The following ABTB3 variants were observed in gnomAD, a reference collection of about 807,000 sequenced individuals.
The protein encoded by ABTB3 is ankyrin repeat and BTB domain containing 3.
chr12:107,436,014 C>T, the ABTB3 span, among the ~76,000 whole-genome samples: 3 of 152,174 alleles, frequency 2.0e-5, no homozygotes, highest in Non-Finnish European at 4.4e-5. Context: ...TGCCATATTG[C>T]ACACTGCAGC....
At chr12:107,494,800 C>T in the ABTB3 span, among the ~76,000 whole-genome samples, 4 of 152,196 alleles carry the variant, frequency 2.6e-5, no homozygotes, top group Non-Finnish European at 4.4e-5. Context: ...TGCGCTGCAG[C>T]CGCCTGTTCT....
At chr12:107,431,630 G>T in the ABTB3 span, among the ~76,000 whole-genome samples, 2 of 145,262 alleles carry the variant, frequency 1.4e-5, no homozygotes, top group African/African-American at 5.0e-5. Context: ...CCCCGCACCC[G>T]CCCCCAAAAA....
the ABTB3 span, among the ~76,000 whole-genome samples, chr12:107,395,708 C>A: frequency 6.6e-6 from 1 of 152,212 alleles, no homozygotes; most frequent in African/African-American, 2.4e-5. Flanking sequence ...TGCCATCCAC[C>A]CCCAGTGGGG....
the ABTB3 span, chr12:107,581,249 C>T: frequency 1.3e-6 from 2 of 1,519,254 alleles, no homozygotes; most frequent in East Asian, 2.5e-5. Flanking sequence ...CGACGACGTC[C>T]GCCAGGCGGC....
the ABTB3 span, among the ~76,000 whole-genome samples, chr12:107,490,515 G>A: frequency 6.6e-6 from 1 of 152,140 alleles, no homozygotes; most frequent in Non-Finnish European, 1.5e-5. Context: ...GGGAGAGAGG[G>A]ATGTGGATAT....
At chr12:107,634,572 C>T in the ABTB3 span, among the ~76,000 whole-genome samples, 7 of 152,260 alleles carry the variant, frequency 4.6e-5, no homozygotes, top group East Asian at 1.2e-3. Flanking sequence ...TGCTCTGTTT[C>T]GTTTTTCCTC....
At chr12:107,339,241 T>C in the ABTB3 span, among the ~76,000 whole-genome samples, 1 of 152,164 alleles carries the variant, frequency 6.6e-6, no homozygotes, top group African/African-American at 2.4e-5. Flanking sequence ...GATCAAGCTC[T>C]TTCTGAAGGA....
chr12:107,550,844 A>G, the ABTB3 span, among the ~76,000 whole-genome samples: 38 of 152,150 alleles, frequency 2.5e-4, no homozygotes, highest in Admixed American at 7.2e-4. Flanking sequence ...CGGCCTCCCA[A>G]AGTGCTGGGA....
At chr12:107,511,178 T>C in the ABTB3 span, among the ~76,000 whole-genome samples, 1 of 152,242 alleles carries the variant, frequency 6.6e-6, no homozygotes, top group Non-Finnish European at 1.5e-5. Context: ...CCAAAAGAAA[T>C]TGGCAGTCGG....
At chr12:107,348,772 C>T in the ABTB3 span, among the ~76,000 whole-genome samples, 2 of 152,126 alleles carry the variant, frequency 1.3e-5, no homozygotes, top group South Asian at 4.2e-4. Flanking sequence ...TGACAGAGAC[C>T]AGCAATAAAC....
At chr12:107,494,138 G>A in the ABTB3 span, among the ~76,000 whole-genome samples, 1 of 152,218 alleles carries the variant, frequency 6.6e-6, no homozygotes, top group Non-Finnish European at 1.5e-5. Flanking sequence ...GTGGGTAAGA[G>A]CCCAGCTTTG....
the ABTB3 span, among the ~76,000 whole-genome samples, chr12:107,521,265 G>GTGTGTC: frequency 7.9e-5 from 4 of 50,538 alleles, no homozygotes; most frequent in African/African-American, 4.5e-4. Flanking sequence ...CATATAAGTT[G>GTGTGTC]TGTGTGTGTG....
At chr12:107,319,138 T>TGACACTGTC in the ABTB3 span, 1 of 1,604,920 alleles carries the variant, frequency 6.2e-7, no homozygotes, top group South Asian at 1.1e-5. Flanking sequence ...ACAACAGCTT[T>TGACACTGTC]GACACTGTCA....
chr12:107,358,635 C>T, the ABTB3 span, among the ~76,000 whole-genome samples: 1 of 152,096 alleles, frequency 6.6e-6, no homozygotes, highest in Non-Finnish European at 1.5e-5. Flanking sequence ...CACTCTGTCA[C>T]CCAGGCTGCA....
chr12:107,560,881 G>T, the ABTB3 span, among the ~76,000 whole-genome samples: 1 of 152,198 alleles, frequency 6.6e-6, no homozygotes, highest in Non-Finnish European at 1.5e-5. Flanking sequence ...GGCTGTGTTT[G>T]TTTGTGTCTA....
chr12:107,319,318 G>A, the ABTB3 span: 5 of 1,545,818 alleles, frequency 3.2e-6, no homozygotes, highest in Non-Finnish European at 4.4e-6. Flanking sequence ...GCCTGCCCAA[G>A]GACGCGCTGG....
the ABTB3 span, among the ~76,000 whole-genome samples, chr12:107,503,772 A>AAAAAAAAAAAAAAG: frequency 2.0e-5 from 3 of 148,118 alleles, no homozygotes; most frequent in South Asian, 2.1e-4. Context: ...AAAAAAAAAA[A>AAAAAAAAAAAAAAG]AAGAAGAAGA....
At chr12:107,527,202 T>C in the ABTB3 span, among the ~76,000 whole-genome samples, 1 of 152,114 alleles carries the variant, frequency 6.6e-6, no homozygotes, top group East Asian at 1.9e-4. Context: ...TGACATGCTA[T>C]ATATTTGTTT....
chr12:107,319,579 G>T, the ABTB3 span: 1 of 1,539,906 alleles, frequency 6.5e-7, no homozygotes, highest in East Asian at 2.4e-5. Context: ...CCTTCTCCGT[G>T]GGCCGCGTGT....
Sources: allele counts gnomAD v4.1 joint callset (sites outside exome capture counted in the v4.1 genomes callset), GRCh38; gene constraint gnomAD v4.1.1; transcripts MANE v1.5; gene names NCBI Gene and HGNC (gene_info 2026-07-23, HGNC 2026-07-21).